The following DSCAM variants were observed in gnomAD, a reference collection of about 807,000 sequenced individuals.
DSCAM encodes cell adhesion molecule DSCAM.
Under a neutral mutation model 217.7 loss-of-function variants are expected in DSCAM, and 47 were observed. The observed-to-expected ratio is 0.22, with a 90% CI of 0.17 to 0.28. The LOEUF (loss-of-function observed/expected upper bound fraction) is 0.28, where lower values mean the gene tolerates loss of function less well. Ranked by LOEUF, DSCAM falls within the 10% of genes least tolerant of loss-of-function variation. The pLI is 1.00. For missense variants in DSCAM, 2,080 were observed against 2,618.3 expected (o/e 0.79, Z 4.49); for synonymous variants, 1,056 against 1,015.3 (o/e 1.04, Z -0.76).
chr21:40,224,902 T>G (rs1234547205), intron 11 of DSCAM, among the ~76,000 whole-genome samples: 1 of 152,220 alleles, frequency 6.6e-6, no homozygotes, highest in African/African-American at 2.4e-5. Context: ...CTAAATTGAA[T>G]TGTCGGTCAC....
At chr21:40,639,102 G>T (rs1322436678) in intron 3 of DSCAM, among the ~76,000 whole-genome samples, 1 of 148,900 alleles carries the variant, frequency 6.7e-6, no homozygotes, top group African/African-American at 2.5e-5. Flanking sequence ...AGCAGCCTCT[G>T]TGTCCCTCAC....
At position 40,272,449 on chromosome 21, in the gene DSCAM, GCTTC is replaced by G. The variant is rs149367222; in HGVS notation, c.2356+3644_2356+3647del. Reference sequence around the variant, plus strand: ...TTGCTGGCTTTCTTCTTTGCCTGTGGCTTCCTTATGCTTGATTCAATAACAACAA... The same window carrying G: ...TTGCTGGCTTTCTTCTTTGCCTGTGGCTTATGCTTGATTCAATAACAACAA... On this transcript the variant is annotated intron_variant, in intron 11 of 32. Coordinates refer to ENST00000400454, the MANE Select transcript of DSCAM (RefSeq NM_001389.5). 3.9e-3 allele frequency among the ~76,000 whole-genome samples: 591 copies of G among 152,218 alleles called. 6 individuals are homozygous for G. Among genetic ancestry groups the G allele is most frequent in the African/African-American group, 0.014 (561 of 41,526 alleles).
chr21:40,350,296 T>C (rs930650890), intron 5 of DSCAM, among the ~76,000 whole-genome samples: 10 of 152,114 alleles, frequency 6.6e-5, no homozygotes, highest in Admixed American at 2.0e-4. Flanking sequence ...TGGGATCTAA[T>C]TAAACTAATA....
At chr21:40,839,094 CACTT>C (rs2092079974) in intron 1 of DSCAM, among the ~76,000 whole-genome samples, 1 of 152,170 alleles carries the variant, frequency 6.6e-6, no homozygotes, top group Non-Finnish European at 1.5e-5. Flanking sequence ...TCCATGATCT[CACTT>C]ATATATGGAA....
chr21:40,490,914 A>C (rs577777236), intron 3 of DSCAM, among the ~76,000 whole-genome samples: 1 of 152,350 alleles, frequency 6.6e-6, no homozygotes, highest in East Asian at 1.9e-4. Flanking sequence ...CAAAATAATT[A>C]ATTAAAACAG....
chr21:40,558,003 G>A (rs1158499694), intron 3 of DSCAM, among the ~76,000 whole-genome samples: 1 of 151,868 alleles, frequency 6.6e-6, no homozygotes, highest in African/African-American at 2.4e-5. Context: ...TTTGGCGTTG[G>A]GCATGTAAAA....
chr21:40,287,023 G>GGTGTGATCTGCAGTGTGATCACA (rs905325651), intron 10 of DSCAM, among the ~76,000 whole-genome samples: 7 of 132,232 alleles, frequency 5.3e-5, no homozygotes, highest in East Asian at 2.1e-4. Context: ...AGGTATCTGC[G>GGTGTGATCTGCAGTGTGATCACA]GTGTGATCTG....
Position 40,484,582 on chromosome 21 carries a change from G to C in DSCAM, c.509-115337C>G, listed in dbSNP as rs534732165. 6.6e-5 allele frequency among the ~76,000 whole-genome samples: 10 copies of C among 151,720 alleles called. No individual in the cohort carries two copies. The South Asian group carries it at 2.1e-3, about 32-fold the overall frequency. ...CATCTGCTATTTGTATGAAACTCAT[G>C]ATTTTATCACCTAAAAAAGAAACTC... On this transcript the variant is annotated intron_variant, in intron 3 of 32. Transcript: ENST00000400454.
In DSCAM at chr21:40,093,709, G is replaced by T. The variant is rs1360173343; in HGVS notation, c.3850+12C>A. 6.2e-7 allele frequency: 1 copy of T among 1,613,788 alleles called. No individual in the cohort carries two copies. Among genetic ancestry groups the T allele is most frequent in the South Asian group, 1.1e-5 (1 of 91,026 alleles). ...TACAACAGGAAATGAGGTCCTTATA[G>T]CCACTGCCTACCTTTTGCTAGTGGC... On this transcript the variant is annotated intron_variant, in intron 21 of 32. Coordinates refer to ENST00000400454, the MANE Select transcript of DSCAM (RefSeq NM_001389.5).
At chr21:40,558,444 T>C (rs1036689394) in intron 3 of DSCAM, among the ~76,000 whole-genome samples, 1 of 117,216 alleles carries the variant, frequency 8.5e-6, no homozygotes, top group Non-Finnish European at 1.9e-5. Flanking sequence ...CAAGACTCCA[T>C]CTCAAAAAGA....
intron 3 of DSCAM, among the ~76,000 whole-genome samples, chr21:40,572,621 G>T (rs1484245236): frequency 6.6e-6 from 1 of 152,080 alleles, no homozygotes; most frequent in Non-Finnish European, 1.5e-5. Flanking sequence ...ATATCTGACC[G>T]AGTACAATTC....
chr21:40,771,161 C>T (rs780642064), intron 1 of DSCAM, among the ~76,000 whole-genome samples: 15 of 152,144 alleles, frequency 9.9e-5, no homozygotes, highest in Non-Finnish European at 1.6e-4. Context: ...GGAGACAGGC[C>T]ACCCAGCCCA....
chr21:40,361,255 T>A (rs1468560724), intron 4 of DSCAM, among the ~76,000 whole-genome samples: 3 of 152,176 alleles, frequency 2.0e-5, no homozygotes, highest in Non-Finnish European at 4.4e-5. Flanking sequence ...GCACCAAACC[T>A]TTTCTATTTT....
intron 1 of DSCAM, among the ~76,000 whole-genome samples, chr21:40,787,258 G>T (rs1238002547): frequency 6.6e-6 from 1 of 152,150 alleles, no homozygotes; most frequent in Non-Finnish European, 1.5e-5. Context: ...ACAATTTAAG[G>T]TTTTTTCCCA....
chr21:40,222,598 C>T (rs1250418246), intron 11 of DSCAM, among the ~76,000 whole-genome samples: 1 of 152,176 alleles, frequency 6.6e-6, no homozygotes, highest in Non-Finnish European at 1.5e-5. Context: ...AGATTGAATG[C>T]AGAAGCAGCT....
At chr21:40,697,722 A>T (rs1222244194) in intron 2 of DSCAM, among the ~76,000 whole-genome samples, 1 of 152,236 alleles carries the variant, frequency 6.6e-6, no homozygotes, top group Non-Finnish European at 1.5e-5. Flanking sequence ...ACTATGCTAT[A>T]GTATGCCAGT....
chr21:40,592,553 A>C (rs891637909), intron 3 of DSCAM, among the ~76,000 whole-genome samples: 2 of 152,140 alleles, frequency 1.3e-5, no homozygotes, highest in African/African-American at 4.8e-5. Flanking sequence ...GTCCACTCCG[A>C]AACACCCCTT....
At chr21:40,846,251 C>G (rs1315315346) in intron 1 of DSCAM, among the ~76,000 whole-genome samples, 1 of 152,128 alleles carries the variant, frequency 6.6e-6, no homozygotes, top group Admixed American at 6.5e-5. Context: ...CTTGGAATGT[C>G]ACATCCCTTT....
chr21:40,731,589 A>G (rs1320258612), intron 1 of DSCAM, among the ~76,000 whole-genome samples: 1 of 152,140 alleles, frequency 6.6e-6, no homozygotes, highest in South Asian at 2.1e-4. Context: ...TGGTTTGTAG[A>G]AAGTGTCTTC....
Sources: allele counts gnomAD v4.1 joint callset (sites outside exome capture counted in the v4.1 genomes callset), GRCh38; gene constraint gnomAD v4.1.1; transcripts MANE v1.5; gene names NCBI Gene and HGNC (gene_info 2026-07-23, HGNC 2026-07-21).